The following TENM4 variants were observed in gnomAD, a reference collection of about 807,000 sequenced individuals.
TENM4 encodes the protein teneurin transmembrane protein 4, also known as teneurin-4.
TENM4 carries 82 observed loss-of-function variants against 243.3 expected under a neutral mutation model. The observed-to-expected ratio is 0.34, with a 90% CI of 0.28 to 0.40. The LOEUF (loss-of-function observed/expected upper bound fraction) is 0.40, where lower values mean the gene tolerates loss of function less well. Among genes scored for constraint, TENM4 ranks in the 10% least tolerant of loss-of-function variants. The pLI is 1.00. For missense variants in TENM4, 3,138 were observed against 3,673.3 expected, an observed-to-expected ratio of 0.85 and a Z score of 3.77; for synonymous variants, 1,412 against 1,456.3, an observed-to-expected ratio of 0.97 and a Z score of 0.69.
chr11:78,906,735 G>T (rs1429318590), intron 6 of TENM4, among the ~76,000 whole-genome samples: 2 of 152,104 alleles, frequency 1.3e-5, no homozygotes, highest in African/African-American at 2.4e-5. Flanking sequence ...AGGCAACCCA[G>T]ACCTCTCATT....
chr11:78,862,437 G>A lies in TENM4; in HGVS notation c.1255+525C>T, dbSNP rs539097955. On this transcript the variant is annotated intron_variant, in intron 10 of 33. Coordinates refer to ENST00000278550, the MANE Select transcript of TENM4 (RefSeq NM_001098816.3). ...TGCTGTACGAACACTAATGATTATT[G>A]TTATTATTGCGGATGCGGAAACTGA... Among the ~76,000 whole-genome samples the A allele has an allele frequency of 5.9e-5, 9 of 152,294 alleles. No homozygotes were observed. In the East Asian group the frequency reaches 1.5e-3, roughly 26 times the overall value.
At chr11:78,817,552 C>T (rs1857634182) in intron 12 of TENM4, among the ~76,000 whole-genome samples, 1 of 152,224 alleles carries the variant, frequency 6.6e-6, no homozygotes, top group Admixed American at 6.5e-5. Flanking sequence ...TTCCCAAGAC[C>T]TTTAAGTCAG....
chr11:78,668,769 G>A (rs895902656), intron 32 of TENM4, among the ~76,000 whole-genome samples, 168 bp downstream of exon 32: 3 of 152,184 alleles, frequency 2.0e-5, no homozygotes, highest in Admixed American at 6.5e-5. Context: ...TTTTTCCAGA[G>A]TATTTTCTGA....
intron 3 of TENM4, among the ~76,000 whole-genome samples, chr11:79,157,448 C>T (rs1050925960): frequency 2.0e-5 from 3 of 152,114 alleles, no homozygotes; most frequent in East Asian, 1.9e-4. Flanking sequence ...ATGCACTCAG[C>T]GAATGTGTGC....
At chr11:78,805,605 G>A in intron 14 of TENM4, 113 bp from the exon 15 acceptor site, 1 of 1,257,304 alleles carries the variant, frequency 8.0e-7, no homozygotes, top group Admixed American at 2.1e-5. Context: ...TCTGGCAGAA[G>A]GATGCATAGG....
intron 1 of TENM4, among the ~76,000 whole-genome samples, chr11:79,415,904 C>T (rs1858803114): frequency 6.6e-6 from 1 of 151,956 alleles, no homozygotes; most frequent in East Asian, 1.9e-4. Flanking sequence ...ACCCCTTCAC[C>T]CTCTCCAGGC....
At chr11:79,254,062 C>T (rs1855658912) in intron 2 of TENM4, among the ~76,000 whole-genome samples, 3 of 152,148 alleles carry the variant, frequency 2.0e-5, no homozygotes, top group Non-Finnish European at 4.4e-5. Context: ...AAAGGGGCAT[C>T]CTCATATGCT....
intron 4 of TENM4, among the ~76,000 whole-genome samples, chr11:79,075,407 A>G (rs948768820): frequency 6.6e-6 from 1 of 152,238 alleles, no homozygotes; most frequent in Non-Finnish European, 1.5e-5. Context: ...GGCCCTGGGC[A>G]CAGGACATTT....
chr11:79,376,692 G>A (rs187588834), intron 1 of TENM4, among the ~76,000 whole-genome samples: 11 of 152,296 alleles, frequency 7.2e-5, no homozygotes, highest in Admixed American at 1.3e-4. Context: ...TAGAAGCTGG[G>A]CAATGTGTAT....
At chr11:79,418,219 G>A (rs915184499) in intron 1 of TENM4, among the ~76,000 whole-genome samples, 1 of 152,186 alleles carries the variant, frequency 6.6e-6, no homozygotes, top group Non-Finnish European at 1.5e-5. Flanking sequence ...CTGACCAATG[G>A]CTACCCTATT....
intron 29 of TENM4, 139 bp downstream of exon 29, chr11:78,687,915 T>C: frequency 1.0e-6 from 1 of 982,154 alleles, no homozygotes; most frequent in Non-Finnish European, 1.5e-6. Flanking sequence ...ATTTTGCAAA[T>C]TAGGTGATAA....
intron 12 of TENM4, among the ~76,000 whole-genome samples, chr11:78,829,263 G>C (rs1217562466): frequency 6.6e-6 from 1 of 152,160 alleles, no homozygotes; most frequent in Admixed American, 6.5e-5. Context: ...GGCATGTTTT[G>C]ACTTGACAAG....
intron 9 of TENM4, among the ~76,000 whole-genome samples, chr11:78,883,280 T>G (rs1223156483): frequency 6.7e-6 from 1 of 149,674 alleles, no homozygotes; most frequent in Non-Finnish European, 1.5e-5. Context: ...ATCATCTCAT[T>G]TAACCTGCAC....
chr11:78,758,771 T>G (rs1401533538), intron 18 of TENM4, among the ~76,000 whole-genome samples: 1 of 152,096 alleles, frequency 6.6e-6, no homozygotes, highest in Non-Finnish European at 1.5e-5. Flanking sequence ...AAGCTTATAG[T>G]CTCCTTGAAG....
chr11:78,974,977 G>A (rs909715026), intron 6 of TENM4, among the ~76,000 whole-genome samples: 8 of 151,764 alleles, frequency 5.3e-5, no homozygotes, highest in African/African-American at 1.7e-4. Flanking sequence ...GAGCAACCAC[G>A]CCTGGCCTGC....
At chr11:79,436,633 A>G (rs191759087) in intron 1 of TENM4, among the ~76,000 whole-genome samples, 2 of 152,294 alleles carry the variant, frequency 1.3e-5, no homozygotes, top group Non-Finnish European at 2.9e-5. Flanking sequence ...TCCACTCACT[A>G]TAGAACTATC....
chr11:79,403,155 A>T (rs182853873), intron 1 of TENM4, among the ~76,000 whole-genome samples: 139 of 152,340 alleles, frequency 9.1e-4, no homozygotes, highest in South Asian at 1.5e-3. Context: ...CCTTTAGTGA[A>T]GGAATTCTCC....
At chr11:79,343,268 C>G (rs1461649645) in intron 1 of TENM4, among the ~76,000 whole-genome samples, 1 of 152,248 alleles carries the variant, frequency 6.6e-6, no homozygotes, top group Non-Finnish European at 1.5e-5. Context: ...ATCCTTATCA[C>G]TTTTCACCTT....
chr11:79,279,038 G>T lies in TENM4; in HGVS notation c.-265+18450C>A, dbSNP rs557977974. ...CGTCTGCTTTCAGGCACGTGCACAG[G>T]TGTTTACACCTTTAGATGCCTGCAG... On this transcript the variant is annotated intron_variant, in intron 2 of 33. Transcript: ENST00000278550. 2.6e-5 allele frequency among the ~76,000 whole-genome samples: 4 copies of T among 152,254 alleles called. No homozygotes were observed. In the South Asian group the frequency reaches 6.2e-4, roughly 24 times the overall value.
Sources: gnomAD v4.1 joint callset for allele counts (sites outside exome capture counted in the v4.1 genomes callset) on GRCh38, gnomAD v4.1.1 for gene constraint, MANE v1.5 for transcripts, NCBI Gene and HGNC (gene_info 2026-07-23, HGNC 2026-07-21) for gene names.